SCRG1: variants seen among roughly 807,000 people sequenced by gnomAD.
The protein encoded by SCRG1 is scrapie-responsive protein 1.
In SCRG1, 3 loss-of-function variants were observed where a neutral mutation model predicts 7.7. The observed-to-expected ratio is 0.39, with a 90% CI of 0.18 to 1.01. The LOEUF (loss-of-function observed/expected upper bound fraction) is 1.01, where lower values mean the gene tolerates loss of function less well. SCRG1 is among the 50% of genes least tolerant of loss of function. The probability of loss-of-function intolerance (pLI) is 0.36; values close to 1 mark genes in which losing one functional copy is unlikely to be tolerated. For missense variants in SCRG1, 110 were observed against 117.2 expected, an observed-to-expected ratio of 0.94 and a Z score of 0.28; for synonymous variants, 46 against 41.2, an observed-to-expected ratio of 1.12 and a Z score of -0.44.
chr4:173,511,503 T>C, the SCRG1 span, among the ~76,000 whole-genome samples: 1 of 152,140 alleles, frequency 6.6e-6, no homozygotes, highest in African/African-American at 2.4e-5. This position sits in a 1 kb window ranked among gnomAD's most constrained non-coding sequence, Gnocchi z 5.2. Flanking sequence ...TGCCTTTATC[T>C]TTCTTAAACA....
the SCRG1 span, among the ~76,000 whole-genome samples, chr4:173,482,683 T>G: frequency 6.6e-6 from 1 of 151,380 alleles, no homozygotes; most frequent in African/African-American, 2.4e-5. Flanking sequence ...CCAGGTGTGG[T>G]GATGTGTGCC....
At chr4:173,507,086 A>G in the SCRG1 span, among the ~76,000 whole-genome samples, 7 of 152,344 alleles carry the variant, frequency 4.6e-5, no homozygotes, top group Admixed American at 3.9e-4. This position sits in a 1 kb window ranked among gnomAD's most constrained non-coding sequence, Gnocchi z 4.4. Context: ...CCTAGTGCCC[A>G]AATTGCCACT....
the SCRG1 span, among the ~76,000 whole-genome samples, chr4:173,491,215 C>CCTT: frequency 7.5e-6 from 1 of 133,028 alleles, no homozygotes; most frequent in South Asian, 2.5e-4. Flanking sequence ...CTCTCTCTCT[C>CCTT]TCTTTTTTTT....
At chr4:173,457,757 AAGGAG>A in the SCRG1 span, among the ~76,000 whole-genome samples, 1 of 152,188 alleles carries the variant, frequency 6.6e-6, no homozygotes, top group Non-Finnish European at 1.5e-5. Context: ...ATTGCTAGCT[AAGGAG>A]TGTGTGACAC....
At chr4:173,513,285 G>A in the SCRG1 span, among the ~76,000 whole-genome samples, 1 of 151,632 alleles carries the variant, frequency 6.6e-6, no homozygotes, top group Non-Finnish European at 1.5e-5. Flanking sequence ...ATCCAATCTG[G>A]AGTCCTAGGG....
At chr4:173,448,163 C>A in the SCRG1 span, among the ~76,000 whole-genome samples, 1 of 152,178 alleles carries the variant, frequency 6.6e-6, no homozygotes, top group African/African-American at 2.4e-5. Context: ...TCACCTTATC[C>A]TACAGTGACC....
At chr4:173,471,865 A>T in the SCRG1 span, among the ~76,000 whole-genome samples, 1 of 152,080 alleles carries the variant, frequency 6.6e-6, no homozygotes, top group Middle Eastern at 3.2e-3. Flanking sequence ...ATGCCCCACC[A>T]CGCCCAGCTA....
At chr4:173,410,932 T>G (rs1024117082), upstream of SCRG1, among the ~76,000 whole-genome samples, 2 of 152,316 alleles carry the variant, frequency 1.3e-5, no homozygotes, top group African/African-American at 4.8e-5. Flanking sequence ...CATATAGTTG[T>G]TTGACTGTCT....
chr4:173,405,344 A>G (rs1739873608), intron 1 of SCRG1, among the ~76,000 whole-genome samples: 1 of 152,250 alleles, frequency 6.6e-6, no homozygotes, highest in Admixed American at 6.5e-5. Flanking sequence ...ACATGAACAT[A>G]CAGGTCAGGA....
the SCRG1 span, among the ~76,000 whole-genome samples, chr4:173,455,288 A>G: frequency 1.3e-5 from 2 of 152,232 alleles, no homozygotes; most frequent in African/African-American, 4.8e-5. Context: ...CCAATAATTC[A>G]TTATGCACAT....
At chr4:173,461,756 G>A in the SCRG1 span, among the ~76,000 whole-genome samples, 3 of 151,990 alleles carry the variant, frequency 2.0e-5, no homozygotes, top group Admixed American at 6.5e-5. Context: ...ACAGAGATAC[G>A]TGACCTTTCA....
intron 1 of SCRG1, 77 bp from the exon 2 acceptor site, chr4:173,391,505 C>T: frequency 2.1e-6 from 3 of 1,449,474 alleles, no homozygotes; most frequent in Non-Finnish European, 2.9e-6. Context: ...AGTTCTGTAG[C>T]ATGCTTATAA....
the SCRG1 span, among the ~76,000 whole-genome samples, chr4:173,512,603 T>C: frequency 1.3e-5 from 2 of 152,206 alleles, no homozygotes; most frequent in Admixed American, 1.3e-4. Flanking sequence ...TTGATTCAAC[T>C]TAACTGCAAT....
intron 1 of SCRG1, among the ~76,000 whole-genome samples, chr4:173,398,857 A>C (rs1283935385): frequency 6.6e-6 from 1 of 152,186 alleles, no homozygotes; most frequent in African/African-American, 2.4e-5. Context: ...CTAGTCAAGA[A>C]ATATACATTT....
chr4:173,476,363 A>AAAAAAAAATATATATATATATATAT, the SCRG1 span, among the ~76,000 whole-genome samples: 682 of 98,234 alleles, frequency 6.9e-3, 15 homozygotes, highest in East Asian at 0.017. Flanking sequence ...GGAAAAAAAA[A>AAAAAAAAATATATATATATATATAT]ATATATATAT....
rs144270068 is a variant in SCRG1, at chr4:173,393,091, GAA to G, written c.-14-1665_-14-1664del. Among the ~76,000 whole-genome samples the G allele has an allele frequency of 3.9e-3, 526 of 136,536 alleles. 2 individuals are homozygous for G. The highest frequency in any genetic ancestry group is 8.1e-3 in the South Asian group (35 of 4,342). 89.6% of individuals were successfully genotyped at this position (136,536 alleles called of 152,430 possible). ...GCATGACAGAGCGAGACTCCGTCTCGAAAAAAAAAAAAAAGAAAGCAATATTG... is the reference window on the plus strand; with the variant it reads ...GCATGACAGAGCGAGACTCCGTCTCGAAAAAAAAAAAAGAAAGCAATATTG... On this transcript the variant is annotated intron_variant, in intron 1 of 2. Transcript: ENST00000296506.
chr4:173,447,714 T>A, the SCRG1 span, among the ~76,000 whole-genome samples: 1 of 152,084 alleles, frequency 6.6e-6, no homozygotes, highest in African/African-American at 2.4e-5. Context: ...GCTGCTGAAG[T>A]AAGCACAGTG....
At chr4:173,460,820 C>T in the SCRG1 span, among the ~76,000 whole-genome samples, 1 of 152,124 alleles carries the variant, frequency 6.6e-6, no homozygotes, top group African/African-American at 2.4e-5. Context: ...CTGCCCTGGG[C>T]CAGAGGGGAG....
In SCRG1 at chr4:173,388,265, T is replaced by C. The variant is rs1739299020; in HGVS notation, c.*76A>G. On this transcript the variant is annotated 3_prime_UTR_variant, in exon 3 of 3. Transcript: ENST00000296506. ...ATGCTCTATTGCACTATATAGAAAC[T>C]AGAAATGCAGTTATACTGATGTAGT... The C allele has an allele frequency of 2.0e-6, 2 of 997,480 alleles. No homozygotes were observed. The highest frequency in any genetic ancestry group is 3.3e-5 in the African/African-American group (2 of 61,520). 61.8% of individuals were successfully genotyped at this position (997,480 alleles called of 1,614,324 possible).
Sources: allele counts gnomAD v4.1 joint callset (sites outside exome capture counted in the v4.1 genomes callset), GRCh38; gene constraint gnomAD v4.1.1; non-coding constraint Gnocchi (gnomAD v3.1); transcripts MANE v1.5; gene names NCBI Gene and HGNC (gene_info 2026-07-23, HGNC 2026-07-21).